The following WDFY3 variants were observed in gnomAD, a reference collection of about 807,000 sequenced individuals.
The protein encoded by WDFY3 is WD repeat and FYVE domain containing 3.
In WDFY3, 66 loss-of-function variants were observed where a neutral mutation model predicts 409.6. The observed-to-expected ratio is 0.16, with a 90% CI of 0.13 to 0.20. The LOEUF (loss-of-function observed/expected upper bound fraction) is 0.20. Among genes scored for constraint, WDFY3 ranks in the 10% least tolerant of loss-of-function variants. WDFY3 has a pLI of 1.00. For synonymous variants in WDFY3, 1,521 were observed against 1,537.1 expected (o/e 0.99, Z 0.25); for missense variants, 3,031 against 4,298.1 (o/e 0.71, Z 8.24).
intron 1 of WDFY3, among the ~76,000 whole-genome samples, chr4:84,936,748 A>G (rs1413681710): frequency 1.3e-5 from 2 of 152,092 alleles, no homozygotes; most frequent in Non-Finnish European, 1.5e-5. Context: ...ACAAGAAAAA[A>G]AAAATTCAAA....
At chr4:84,786,171 A>G (rs749398554) in intron 23 of WDFY3, 32 bp from the exon 24 acceptor site, 18 of 1,567,536 alleles carry the variant, frequency 1.1e-5, no homozygotes, top group Non-Finnish European at 1.6e-5. Flanking sequence ...TTTCAAAATC[A>G]TCAGTAGTTC....
chr4:84,924,104 G>GC, intron 2 of WDFY3, among the ~76,000 whole-genome samples: 1 of 152,150 alleles, frequency 6.6e-6, no homozygotes, highest in Non-Finnish European at 1.5e-5. Context: ...ATTCACATAG[G>GC]CAACAGTGAT....
chr4:84,832,220 G>T (rs1006605862), intron 7 of WDFY3, among the ~76,000 whole-genome samples: 1 of 152,056 alleles, frequency 6.6e-6, no homozygotes, highest in African/African-American at 2.4e-5. Flanking sequence ...ATTATGTTAA[G>T]GAAAATAATC....
chr4:84,821,567 A>G lies in WDFY3; in HGVS notation c.1124-16T>C, dbSNP rs1450647389. On this transcript the variant is annotated splice_polypyrimidine_tract_variant and intron_variant, in intron 10 of 67. Transcript: ENST00000295888. ...ACACTGTGACCTAGAACAGAAAAGA[A>G]AAACATAAAAGTAGGTACTATGTGA... 1.3e-6 allele frequency: 2 copies of G among 1,587,582 alleles called. No homozygotes were observed. The highest frequency in any genetic ancestry group is 1.4e-5 in the African/African-American group (1 of 73,452).
intron 25 of WDFY3, among the ~76,000 whole-genome samples, chr4:84,781,986 T>C (rs1324212287): frequency 6.6e-6 from 1 of 152,202 alleles, no homozygotes; most frequent in Non-Finnish European, 1.5e-5. Context: ...AAGGAACCAG[T>C]ATTATATACT....
At chr4:84,876,733 C>G (rs1762837000) in intron 3 of WDFY3, among the ~76,000 whole-genome samples, 1 of 151,550 alleles carries the variant, frequency 6.6e-6, no homozygotes, top group African/African-American at 2.4e-5. Context: ...AGTGACAGCA[C>G]TAGATTTTCT....
intron 24 of WDFY3, 61 bp from the exon 25 acceptor site, chr4:84,783,135 G>A: frequency 6.9e-7 from 1 of 1,440,978 alleles, no homozygotes; most frequent in East Asian, 2.3e-5. Flanking sequence ...GTTTTGATTG[G>A]AAAAGAAACC....
intron 36 of WDFY3, 137 bp from the exon 37 acceptor site, chr4:84,743,936 G>T: frequency 2.3e-6 from 1 of 432,960 alleles, no homozygotes; most frequent in South Asian, 5.7e-5. Context: ...CATGAGAGAT[G>T]GTATACATGC....
intron 48 of WDFY3, among the ~76,000 whole-genome samples, chr4:84,717,999 G>C (rs1734224980): frequency 7.6e-6 from 1 of 131,108 alleles, no homozygotes; most frequent in African/African-American, 2.9e-5. Context: ...AGTGAGCCGA[G>C]ATTGCGCCAC....
chr4:84,955,159 T>G (rs529767930), intron 1 of WDFY3, among the ~76,000 whole-genome samples: 2 of 150,478 alleles, frequency 1.3e-5, no homozygotes, highest in African/African-American at 4.9e-5. Context: ...GCTGAGATTG[T>G]GCCACTGCAC....
chr4:84,959,102 T>C (rs574041245), intron 1 of WDFY3, among the ~76,000 whole-genome samples: 25 of 152,314 alleles, frequency 1.6e-4, no homozygotes, highest in African/African-American at 5.1e-4. Context: ...CTCCCTGATA[T>C]AGCGCTATCA....
At chr4:84,709,209 ATGGATAATTAAAG>A in intron 52 of WDFY3, 71 bp downstream of exon 52, 1 of 1,432,294 alleles carries the variant, frequency 7.0e-7, no homozygotes, top group Non-Finnish European at 9.6e-7. Flanking sequence ...TATATATTTT[ATGGATAATTAAAG>A]TGCTTTTAAC....
At chr4:84,755,206 C>A in intron 34 of WDFY3, 60 bp downstream of exon 34, 1 of 1,578,812 alleles carries the variant, frequency 6.3e-7, no homozygotes, top group Middle Eastern at 1.7e-4. Context: ...CCTCTATTTA[C>A]AAAAAAGTAT....
intron 12 of WDFY3, among the ~76,000 whole-genome samples, chr4:84,819,122 T>C (rs1212434416): frequency 6.6e-6 from 1 of 152,076 alleles, no homozygotes; most frequent in African/African-American, 2.4e-5. Context: ...TATCTTAGCA[T>C]TTGCCAAATT....
intron 3 of WDFY3, among the ~76,000 whole-genome samples, chr4:84,891,106 AAC>A (rs1561014388): frequency 6.6e-6 from 1 of 152,160 alleles, no homozygotes. Flanking sequence ...GCCACCCTAC[AAC>A]AGTCTCCTGA....
intron 58 of WDFY3, among the ~76,000 whole-genome samples, chr4:84,694,649 C>T (rs939075983): frequency 3.9e-5 from 6 of 152,148 alleles, no homozygotes; most frequent in African/African-American, 1.4e-4. Context: ...AAAGTAAACA[C>T]AGCCAGGCGC....
Position 84,690,548 on chromosome 4 carries a change from C to T in WDFY3, c.9321G>A (p.Met3107Ile). Residue 3107 changes from methionine to isoleucine, a missense_variant, in exon 61 of 68, where the codon ATG becomes ATA. Physicochemically the swap from Met to Ile is conservative, Grantham distance 10. Around this residue, in one of 16 missense-constraint regions of WDFY3, gnomAD observed 152 missense variants for 193.5 expected, o/e 0.79. Transcript: ENST00000295888. ...TCTTGGCCTTTTCTTTGGAGGTGCCCATCTCCCACACACACACAACCGTGC... is the reference window on the plus strand; with the variant it reads ...TCTTGGCCTTTTCTTTGGAGGTGCCTATCTCCCACACACACACAACCGTGC... Reference protein sequence around the residue: ...GTSTVVCVWEMGTSKEKAKTV... With the variant: ...GTSTVVCVWEIGTSKEKAKTV... 6.2e-7 allele frequency: 1 copy of T among 1,614,122 alleles called. No individual in the cohort carries two copies. Among genetic ancestry groups the T allele is most frequent in the Non-Finnish European group, 8.5e-7 (1 of 1,180,026 alleles).
At chr4:84,693,903 A>G (rs1227685958) in intron 58 of WDFY3, among the ~76,000 whole-genome samples, 3 of 152,096 alleles carry the variant, frequency 2.0e-5, no homozygotes, top group Non-Finnish European at 2.9e-5. Flanking sequence ...CTCAAAAAAA[A>G]AAAAAAAAAA....
At chr4:84,909,721 T>C (rs947623292) in intron 2 of WDFY3, among the ~76,000 whole-genome samples, 1 of 151,998 alleles carries the variant, frequency 6.6e-6, no homozygotes, top group African/African-American at 2.4e-5. Flanking sequence ...TAACATAAAA[T>C]TGAACAATTT....
Sources: allele counts gnomAD v4.1 joint callset (sites outside exome capture counted in the v4.1 genomes callset), GRCh38; gene constraint gnomAD v4.1.1; regional missense constraint gnomAD v4.1.1; transcripts MANE v1.5; gene names NCBI Gene and HGNC (gene_info 2026-07-23, HGNC 2026-07-21).